TMEM131: variants seen among roughly 807,000 people sequenced by gnomAD.
TMEM131 encodes transmembrane protein 131.
In TMEM131, 66 loss-of-function variants were observed where a neutral mutation model predicts 211.6. That is an observed-to-expected ratio of 0.31 (90% CI 0.26 to 0.38). The LOEUF (loss-of-function observed/expected upper bound fraction) is 0.38. Among genes scored for constraint, TMEM131 ranks in the 10% least tolerant of loss-of-function variants. The pLI, the probability that TMEM131 is intolerant of heterozygous loss-of-function variation, is 1.00. For synonymous variants in TMEM131, 844 were observed against 841.3 expected (o/e 1.00, Z -0.06); for missense variants, 2,036 against 2,299.3 (o/e 0.89, Z 2.34).
intron 2 of TMEM131, among the ~76,000 whole-genome samples, chr2:97,925,375 T>C (rs1382415876): frequency 6.6e-6 from 1 of 152,170 alleles, no homozygotes; most frequent in Non-Finnish European, 1.5e-5. Flanking sequence ...GTTATGGCCT[T>C]AATGTGGATT....
intron 12 of TMEM131, 25 bp from the exon 13 acceptor site, chr2:97,815,332 C>T: frequency 7.1e-7 from 1 of 1,399,822 alleles, no homozygotes; most frequent in South Asian, 1.4e-5. Context: ...AAAAAATAAT[C>T]TCTGTTACCT....
chr2:97,805,506 C>A (rs1681253894), intron 20 of TMEM131, 45 bp downstream of exon 20: 1 of 1,612,240 alleles, frequency 6.2e-7, no homozygotes, highest in South Asian at 1.1e-5. Flanking sequence ...GGTCATAAAA[C>A]AAAATGTTAA....
chr2:97,819,707 T>C (rs569236599), intron 11 of TMEM131, among the ~76,000 whole-genome samples: 1 of 152,344 alleles, frequency 6.6e-6, no homozygotes, highest in Non-Finnish European at 1.5e-5. Flanking sequence ...TGTTGAATTA[T>C]GAAGGGCTTT....
intron 7 of TMEM131, among the ~76,000 whole-genome samples, chr2:97,839,390 CCTA>C (rs1456686771): frequency 6.6e-6 from 1 of 151,896 alleles, no homozygotes; most frequent in African/African-American, 2.4e-5. Flanking sequence ...TAAAAAGTCG[CCTA>C]CTGATAACAG....
Position 97,796,827 on chromosome 2 carries a change from CTG to C in TMEM131, c.3013+15_3013+16del. 6.2e-7 allele frequency: 1 copy of C among 1,606,204 alleles called. No individual in the cohort carries two copies. The highest frequency in any genetic ancestry group is 8.5e-7 in the Non-Finnish European group (1 of 1,176,614). On this transcript the variant is annotated intron_variant, in intron 27 of 40. Coordinates refer to ENST00000186436, the MANE Select transcript of TMEM131 (RefSeq NM_015348.2). Reference sequence around the variant, plus strand: ...AATGCTGAAATTAGTGTCCTTGAAACTGTTAGGAAGACTTACTATCTGTACAA... The same window carrying C: ...AATGCTGAAATTAGTGTCCTTGAAACTTAGGAAGACTTACTATCTGTACAA...
intron 1 of TMEM131, among the ~76,000 whole-genome samples, chr2:97,967,655 A>G (rs1679116193): frequency 6.6e-6 from 1 of 152,210 alleles, no homozygotes; most frequent in African/African-American, 2.4e-5. Flanking sequence ...GTGGGGGGAG[A>G]GAAGATGAAG....
intron 2 of TMEM131, among the ~76,000 whole-genome samples, chr2:97,925,072 A>G (rs566777850): frequency 1.3e-5 from 2 of 152,156 alleles, no homozygotes; most frequent in East Asian, 3.9e-4. Flanking sequence ...AGGTTTCCCT[A>G]CATTTCCCAG....
At chr2:97,942,735 C>T (rs1273374667) in intron 1 of TMEM131, among the ~76,000 whole-genome samples, 5 of 151,822 alleles carry the variant, frequency 3.3e-5, no homozygotes, top group African/African-American at 1.2e-4. Flanking sequence ...CAAAGAATAG[C>T]CTAGGGACAG....
intron 25 of TMEM131, among the ~76,000 whole-genome samples, chr2:97,800,416 T>G (rs968378374): frequency 2.0e-5 from 3 of 152,122 alleles, no homozygotes; most frequent in African/African-American, 7.2e-5. Context: ...AAGTTAAATA[T>G]TAGCTCACTT....
At chr2:97,780,626 C>T (rs1679949536) in intron 31 of TMEM131, among the ~76,000 whole-genome samples, 1 of 152,122 alleles carries the variant, frequency 6.6e-6, no homozygotes, top group Non-Finnish European at 1.5e-5. Flanking sequence ...CCACCCTTGA[C>T]CTATCAGGGG....
chr2:97,808,078 C>A lies in TMEM131; in HGVS notation c.2055+1610G>T, dbSNP rs898520930. Among the ~76,000 whole-genome samples the A allele has an allele frequency of 5.9e-5, 9 of 152,110 alleles. No homozygotes were observed. The East Asian group carries it at 1.7e-3, about 29-fold the overall frequency. On this transcript the variant is annotated intron_variant, in intron 19 of 40. Coordinates refer to ENST00000186436, the MANE Select transcript of TMEM131 (RefSeq NM_015348.2). ...AATGAGATATCTTGGGGACAGAACC[C>A]AAGTCTAAACATGAAATTCATTTAT...
chr2:97,790,153 G>A (rs1680432927), intron 31 of TMEM131, among the ~76,000 whole-genome samples: 1 of 152,114 alleles, frequency 6.6e-6, no homozygotes, highest in African/African-American at 2.4e-5. Context: ...GGGGTGTGGG[G>A]GTAGGCTTTT....
chr2:97,842,384 A>T (rs1683237442), intron 6 of TMEM131, among the ~76,000 whole-genome samples: 1 of 152,236 alleles, frequency 6.6e-6, no homozygotes, highest in African/African-American at 2.4e-5. Context: ...ATTGCTATTT[A>T]TTAAGTGTCT....
chr2:97,792,355 T>C, intron 31 of TMEM131, 31 bp downstream of exon 31: 3 of 1,514,868 alleles, frequency 2.0e-6, no homozygotes, highest in Non-Finnish European at 2.7e-6. Flanking sequence ...CCCTCACACA[T>C]CACGGATCTC....
In TMEM131 at chr2:97,792,726, G is replaced by A. The variant is rs1201210643; in HGVS notation, c.3804C>T (p.Asn1268=). ...NKTSPLVLDS[N]TVTQGHTAGR... ...CCGCTGTATGACCTTGAGTCACTGTGTTCGAATCTAAGACAAGGGGGCTTG... is the reference window on the plus strand; with the variant it reads ...CCGCTGTATGACCTTGAGTCACTGTATTCGAATCTAAGACAAGGGGGCTTG... The change falls in exon 31 of 41, where the codon AAC becomes AAT. Residue 1268 remains asparagine, a synonymous_variant. Coordinates refer to ENST00000186436, the MANE Select transcript of TMEM131 (RefSeq NM_015348.2). 1 of 1,614,050 alleles carries A rather than the reference G, an allele frequency of 6.2e-7. No individual in the cohort carries two copies. Among genetic ancestry groups the A allele is most frequent in the Non-Finnish European group, 8.5e-7 (1 of 1,179,904 alleles).
At chr2:97,983,257 G>T (rs373869665) in intron 1 of TMEM131, among the ~76,000 whole-genome samples, 1 of 152,144 alleles carries the variant, frequency 6.6e-6, no homozygotes, top group Admixed American at 6.5e-5. Flanking sequence ...AGTAGAAACT[G>T]CTGTAGTGAC....
At chr2:97,780,912 G>A (rs1679966141) in intron 31 of TMEM131, among the ~76,000 whole-genome samples, 1 of 152,142 alleles carries the variant, frequency 6.6e-6, no homozygotes, top group South Asian at 2.1e-4. Flanking sequence ...ATATGCCCAA[G>A]GTGAACCTGG....
chr2:97,812,343 A>G (rs1227780269), intron 17 of TMEM131, 78 bp downstream of exon 17: 2 of 1,456,204 alleles, frequency 1.4e-6, no homozygotes, highest in Non-Finnish European at 1.9e-6. Flanking sequence ...ATAGTGATAC[A>G]TGTAGCATAG....
At chr2:97,984,690 G>A (rs1314132245) in intron 1 of TMEM131, among the ~76,000 whole-genome samples, 1 of 150,174 alleles carries the variant, frequency 6.7e-6, no homozygotes, top group Non-Finnish European at 1.5e-5. Context: ...ATTCATGAGG[G>A]ATTATTAATA....
Sources: allele counts gnomAD v4.1 joint callset (sites outside exome capture counted in the v4.1 genomes callset), GRCh38; gene constraint gnomAD v4.1.1; transcripts MANE v1.5; gene names NCBI Gene and HGNC (gene_info 2026-07-23, HGNC 2026-07-21).